Variants in FLT1 observed in about 807,000 individuals in gnomAD.
FLT1 encodes vascular endothelial growth factor receptor 1.
FLT1 carries 49 observed loss-of-function variants against 156.3 expected under a neutral mutation model. The observed-to-expected ratio is 0.31, with a 90% CI of 0.25 to 0.40. The LOEUF (loss-of-function observed/expected upper bound fraction) is 0.40, where lower values mean the gene tolerates loss of function less well. FLT1 is among the 10% of genes least tolerant of loss of function. The probability of loss-of-function intolerance (pLI) is 1.00; values close to 1 mark genes in which losing one functional copy is unlikely to be tolerated. For missense variants in FLT1, 1,322 were observed against 1,637.2 expected (o/e 0.81, Z 3.32); for synonymous variants, 594 against 583.8 (o/e 1.02, Z -0.25).
At chr13:28,484,311 A>G (rs1378289123) in intron 1 of FLT1, among the ~76,000 whole-genome samples, 1 of 152,224 alleles carries the variant, frequency 6.6e-6, no homozygotes. Context: ...CCTGGAAACC[A>G]TCTGTGAGAG....
chr13:28,492,139 A>G (rs1881507395), intron 1 of FLT1, among the ~76,000 whole-genome samples: 1 of 152,226 alleles, frequency 6.6e-6, no homozygotes, highest in Admixed American at 6.5e-5. Flanking sequence ...CAAAAAATTA[A>G]CTTTATTATA....
chr13:28,303,494 C>CCG, intron 29 of FLT1, 126 bp from the exon 30 acceptor site: 2 of 754,422 alleles, frequency 2.7e-6, no homozygotes, highest in Non-Finnish European at 4.3e-6. Context: ...GTTTTGGAAC[C>CCG]CCCCCCCCCT....
chr13:28,303,502 C>G (rs534908548), intron 29 of FLT1, 134 bp from the exon 30 acceptor site: 12 of 771,332 alleles, frequency 1.6e-5, no homozygotes, highest in African/African-American at 1.2e-4. Context: ...ACCCCCCCCC[C>G]CTCAATTGCT....
intron 3 of FLT1, among the ~76,000 whole-genome samples, chr13:28,455,378 G>A (rs1297320135): frequency 6.6e-6 from 1 of 152,102 alleles, no homozygotes; most frequent in Non-Finnish European, 1.5e-5. Flanking sequence ...TGACAAAGGA[G>A]CAAAAATCAT....
chr13:28,494,895 C>A lies in FLT1; in HGVS notation c.-52G>T, dbSNP rs56051053. On this transcript the variant is annotated 5_prime_UTR_variant, in exon 1 of 30. Coordinates refer to ENST00000282397, the MANE Select transcript of FLT1 (RefSeq NM_002019.4). ...CGGTGCCCGCGCTCCCCGCGGCCAA[C>A]GACCCGGCCGCCAGAGTCCGTCCTC... 61,461 of 1,436,172 alleles carry A rather than the reference C, an allele frequency of 0.043. 1,522 individuals carry two copies. Among genetic ancestry groups the A allele is most frequent in the Non-Finnish European group, 0.048 (51,811 of 1,072,640 alleles). The allele number at this position is 1,436,172 out of a possible 1,614,324, so 89.0% of individuals were successfully genotyped here.
chr13:28,484,199 C>G (rs1457125669), intron 1 of FLT1, among the ~76,000 whole-genome samples: 1 of 152,188 alleles, frequency 6.6e-6, no homozygotes, highest in Non-Finnish European at 1.5e-5. Context: ...CCTTCAGGGT[C>G]AAACACACTT....
At chr13:28,373,827 A>G (rs1788755743) in intron 14 of FLT1, among the ~76,000 whole-genome samples, 1 of 151,996 alleles carries the variant, frequency 6.6e-6, no homozygotes, top group South Asian at 2.1e-4. Flanking sequence ...CTGCTGGGAG[A>G]GTTTACCACC....
chr13:28,437,159 G>A (rs936074633), intron 4 of FLT1, among the ~76,000 whole-genome samples: 3 of 152,148 alleles, frequency 2.0e-5, no homozygotes, highest in East Asian at 3.9e-4. Flanking sequence ...CTCCTCTGGC[G>A]TTTCCAGCTC....
chr13:28,428,323 C>T lies in FLT1; in HGVS notation c.1107-402G>A, dbSNP rs78578707. ...AAGTCAGATCAAGTAGATCACTTCT[C>T]CAGATAAAAATAAAAATAGACTTTT... On this transcript the variant is annotated intron_variant, in intron 8 of 29. Coordinates refer to ENST00000282397, the MANE Select transcript of FLT1 (RefSeq NM_002019.4). 7.3e-3 allele frequency among the ~76,000 whole-genome samples: 1,111 copies of T among 152,028 alleles called. 5 individuals are homozygous for T. Among genetic ancestry groups the T allele is most frequent in the Non-Finnish European group, 0.012 (805 of 67,978 alleles).
intron 14 of FLT1, among the ~76,000 whole-genome samples, chr13:28,377,497 C>T (rs61763195): frequency 0.021 from 3,178 of 149,514 alleles, 109 homozygotes; most frequent in African/African-American, 0.073. Context: ...ACGATAATAG[C>T]GAATAAGGCA....
intron 1 of FLT1, among the ~76,000 whole-genome samples, chr13:28,471,314 T>C (rs1476086749): frequency 6.6e-6 from 1 of 152,154 alleles, no homozygotes; most frequent in East Asian, 1.9e-4. Context: ...TAGAATCTCA[T>C]AAAGGTTATT....
At chr13:28,388,476 T>G (rs1874505957) in intron 13 of FLT1, 1 of 1,039,978 alleles carries the variant, frequency 9.6e-7, no homozygotes, top group South Asian at 4.6e-5. Context: ...AAATAGTTTA[T>G]GCAAGTCACA....
intron 1 of FLT1, among the ~76,000 whole-genome samples, chr13:28,481,090 A>G (rs1880812605): frequency 6.6e-6 from 1 of 152,208 alleles, no homozygotes; most frequent in East Asian, 1.9e-4. Context: ...AGCAATAGTA[A>G]CATTACCTAG....
At chr13:28,374,346 T>C (rs538642425) in intron 14 of FLT1, among the ~76,000 whole-genome samples, 15 of 151,648 alleles carry the variant, frequency 9.9e-5, no homozygotes, top group Admixed American at 2.0e-4. Context: ...GCCCGGGAGG[T>C]TGAGGCTGCA....
At chr13:28,477,752 A>G (rs1171998583) in intron 1 of FLT1, among the ~76,000 whole-genome samples, 1 of 152,184 alleles carries the variant, frequency 6.6e-6, no homozygotes, top group Non-Finnish European at 1.5e-5. Flanking sequence ...TTCTTATCCA[A>G]TGTCACTGTT....
At chr13:28,426,261 A>G (rs1239647619) in intron 10 of FLT1, among the ~76,000 whole-genome samples, 1 of 151,606 alleles carries the variant, frequency 6.6e-6, no homozygotes, top group East Asian at 1.9e-4. Flanking sequence ...TGTTGCACCT[A>G]TCAAGTCTAT....
At chr13:28,456,327 A>G (rs894068136) in intron 3 of FLT1, among the ~76,000 whole-genome samples, 2 of 151,900 alleles carry the variant, frequency 1.3e-5, no homozygotes, top group Middle Eastern at 3.4e-3. Flanking sequence ...AAATATTTAT[A>G]TGATGGAATA....
intron 20 of FLT1, among the ~76,000 whole-genome samples, chr13:28,324,989 T>G (rs529766257): frequency 1.5e-4 from 23 of 152,360 alleles, no homozygotes; most frequent in African/African-American, 5.5e-4. Context: ...AGGATCCCAG[T>G]TAATTTATTT....
At chr13:28,327,375 A>G (rs1331575049) in intron 20 of FLT1, 87 bp downstream of exon 20, 4 of 831,900 alleles carry the variant, frequency 4.8e-6, no homozygotes, top group Middle Eastern at 2.3e-4. Flanking sequence ...TAACAACACA[A>G]TACAGGTTTC....
Sources: allele counts gnomAD v4.1 joint callset (sites outside exome capture counted in the v4.1 genomes callset), GRCh38; gene constraint gnomAD v4.1.1; transcripts MANE v1.5; gene names NCBI Gene and HGNC (gene_info 2026-07-23, HGNC 2026-07-21).